Variants in SLC8A3 observed in about 807,000 individuals in gnomAD.
The protein encoded by SLC8A3 is sodium/calcium exchanger 3.
SLC8A3 carries 37 observed loss-of-function variants against 65.4 expected under a neutral mutation model. That is an observed-to-expected ratio of 0.57 (90% CI 0.44 to 0.74). The LOEUF (loss-of-function observed/expected upper bound fraction) is 0.74, where lower values mean the gene tolerates loss of function less well. SLC8A3 is among the 30% of genes least tolerant of loss of function. The pLI, the probability that SLC8A3 is intolerant of heterozygous loss-of-function variation, is 0.00. For synonymous variants in SLC8A3, 461 were observed against 444.5 expected, an observed-to-expected ratio of 1.04 and a Z score of -0.47; for missense variants, 1,112 against 1,172.1, an observed-to-expected ratio of 0.95 and a Z score of 0.75.
intron 2 of SLC8A3, among the ~76,000 whole-genome samples, chr14:70,061,824 T>C (rs1466425939): frequency 6.6e-6 from 1 of 152,138 alleles, no homozygotes; most frequent in South Asian, 2.1e-4. Context: ...TCAATGTGAA[T>C]TATCATGGGT....
intron 2 of SLC8A3, among the ~76,000 whole-genome samples, chr14:70,165,918 A>G (rs1309662106): frequency 6.6e-6 from 1 of 152,234 alleles, no homozygotes; most frequent in Non-Finnish European, 1.5e-5. Context: ...TTTGGAGCTT[A>G]GACCTGTGAC....
At chr14:70,095,293 G>A (rs749919982) in intron 2 of SLC8A3, among the ~76,000 whole-genome samples, 26 of 152,156 alleles carry the variant, frequency 1.7e-4, no homozygotes, top group Non-Finnish European at 3.8e-4. Context: ...AGGACCCCCT[G>A]GCCAGCCAGT....
At chr14:70,146,323 C>A (rs1428799587) in intron 2 of SLC8A3, among the ~76,000 whole-genome samples, 3 of 152,128 alleles carry the variant, frequency 2.0e-5, no homozygotes, top group Admixed American at 6.5e-5. Flanking sequence ...GGGGCTGAGT[C>A]CCTGTCTTCA....
intron 2 of SLC8A3, among the ~76,000 whole-genome samples, chr14:70,086,013 C>T (rs1891406612): frequency 2.0e-5 from 3 of 152,156 alleles, no homozygotes; most frequent in Non-Finnish European, 2.9e-5. Context: ...TACTATACTG[C>T]CTTTCAAATG....
intron 2 of SLC8A3, among the ~76,000 whole-genome samples, chr14:70,067,954 C>A (rs1049722073): frequency 6.6e-6 from 1 of 152,214 alleles, no homozygotes; most frequent in African/African-American, 2.4e-5. Flanking sequence ...GGCTCCAGGA[C>A]CTGCACCTGC....
At chr14:70,164,551 A>G (rs984468083) in intron 2 of SLC8A3, among the ~76,000 whole-genome samples, 2 of 152,214 alleles carry the variant, frequency 1.3e-5, no homozygotes, top group Admixed American at 6.5e-5. Flanking sequence ...CCAAGATATT[A>G]TACAAACTGA....
chr14:70,113,620 T>A (rs1410664373), intron 2 of SLC8A3, among the ~76,000 whole-genome samples: 1 of 152,210 alleles, frequency 6.6e-6, no homozygotes, highest in Non-Finnish European at 1.5e-5. Flanking sequence ...TAGCCATTCT[T>A]ACCTCAATGT....
At chr14:70,154,254 T>C (rs1313857190) in intron 2 of SLC8A3, among the ~76,000 whole-genome samples, 1 of 152,240 alleles carries the variant, frequency 6.6e-6, no homozygotes, top group Non-Finnish European at 1.5e-5. Context: ...AGAAAGAATA[T>C]GCAGTTTAAA....
intron 2 of SLC8A3, among the ~76,000 whole-genome samples, chr14:70,132,321 A>C (rs1300965254): frequency 6.6e-6 from 1 of 152,096 alleles, no homozygotes; most frequent in Non-Finnish European, 1.5e-5. Context: ...ATCCCTTTGC[A>C]CTCTTTTAGT....
intron 3 of SLC8A3, among the ~76,000 whole-genome samples, chr14:70,052,402 A>G (rs986763522): frequency 2.0e-5 from 3 of 152,206 alleles, no homozygotes; most frequent in African/African-American, 7.2e-5. Flanking sequence ...AGTTCTCAAG[A>G]CACTCAGTGA....
intron 2 of SLC8A3, among the ~76,000 whole-genome samples, chr14:70,164,771 A>G (rs1477436558): frequency 2.6e-5 from 4 of 152,176 alleles, no homozygotes; most frequent in Non-Finnish European, 4.4e-5. Context: ...AATGTCATTT[A>G]ATGCCTTACC....
chr14:70,114,577 C>T (rs1893532866), intron 2 of SLC8A3, among the ~76,000 whole-genome samples: 1 of 152,200 alleles, frequency 6.6e-6, no homozygotes, highest in Admixed American at 6.5e-5. Flanking sequence ...GTTTCAAAAG[C>T]ACTCTCTAAC....
intron 2 of SLC8A3, among the ~76,000 whole-genome samples, chr14:70,152,460 C>G (rs777656895): frequency 1.3e-5 from 2 of 151,984 alleles, no homozygotes; most frequent in Non-Finnish European, 2.9e-5. Context: ...CTTATACCCT[C>G]TCCCCACAAG....
intron 3 of SLC8A3, among the ~76,000 whole-genome samples, chr14:70,056,647 T>C (rs2139782931): frequency 1.3e-5 from 2 of 152,322 alleles, no homozygotes; most frequent in Non-Finnish European, 2.9e-5. Flanking sequence ...GTCTTTTCCA[T>C]AGATCTCATA....
intron 1 of SLC8A3, among the ~76,000 whole-genome samples, chr14:70,180,552 G>T (rs956449974): frequency 1.3e-5 from 2 of 152,190 alleles, no homozygotes; most frequent in African/African-American, 4.8e-5. Flanking sequence ...GGGGCTAAAA[G>T]GCATTGGCTC....
intron 2 of SLC8A3, among the ~76,000 whole-genome samples, chr14:70,152,889 T>C (rs1896360016): frequency 6.6e-6 from 1 of 152,174 alleles, no homozygotes; most frequent in Admixed American, 6.5e-5. Flanking sequence ...TAGGACATAA[T>C]TACATGCTCC....
At chr14:70,086,147 T>C (rs1159787542) in intron 2 of SLC8A3, among the ~76,000 whole-genome samples, 4 of 152,218 alleles carry the variant, frequency 2.6e-5, no homozygotes, top group East Asian at 1.9e-4. Context: ...CCACATACTA[T>C]GCTAAATGCT....
At chr14:70,092,191 A>G (rs11158830) in intron 2 of SLC8A3, among the ~76,000 whole-genome samples, 1 of 151,854 alleles carries the variant, frequency 6.6e-6, no homozygotes, top group Non-Finnish European at 1.5e-5. Context: ...TGCCCTTCCC[A>G]GATCCTCATA....
intron 2 of SLC8A3, among the ~76,000 whole-genome samples, chr14:70,159,711 G>C (rs1482101026): frequency 6.6e-6 from 1 of 152,218 alleles, no homozygotes; most frequent in Non-Finnish European, 1.5e-5. Flanking sequence ...GAGAAAGTAA[G>C]CTACGCCCAT....
Sources: allele counts gnomAD v4.1 joint callset (sites outside exome capture counted in the v4.1 genomes callset), GRCh38; gene constraint gnomAD v4.1.1; transcripts MANE v1.5; gene names NCBI Gene and HGNC (gene_info 2026-07-23, HGNC 2026-07-21).